FBN1: variants seen among roughly 807,000 people sequenced by gnomAD.
The protein encoded by FBN1 is fibrillin-1.
In FBN1, 29 loss-of-function variants were observed where a neutral mutation model predicts 365.1. The ratio of observed to expected loss-of-function variants is 0.08; its 90% CI spans 0.06 to 0.11. The LOEUF (loss-of-function observed/expected upper bound fraction) is 0.11, where lower values mean the gene tolerates loss of function less well. FBN1 is among the 10% of genes least tolerant of loss of function. The pLI is 1.00. For missense variants in FBN1, 2,476 were observed against 3,703.2 expected (o/e 0.67, Z 8.60); for synonymous variants, 1,210 against 1,270.5 (o/e 0.95, Z 1.01).
intron 2 of FBN1, among the ~76,000 whole-genome samples, chr15:48,632,941 G>C (rs1453032570): frequency 6.6e-6 from 1 of 152,088 alleles, no homozygotes; most frequent in African/African-American, 2.4e-5. Context: ...TCAACTCTGG[G>C]GTGTGAAGCA....
At chr15:48,518,757 A>C (rs2043826420) in intron 10 of FBN1, among the ~76,000 whole-genome samples, 1 of 152,220 alleles carries the variant, frequency 6.6e-6, no homozygotes, top group African/African-American at 2.4e-5. Flanking sequence ...TTTTTTAAAG[A>C]GTGAAAAGCT....
At chr15:48,509,003 G>C (rs2043736753) in intron 14 of FBN1, among the ~76,000 whole-genome samples, 1 of 152,124 alleles carries the variant, frequency 6.6e-6, no homozygotes. Context: ...AGGAATAATA[G>C]TTTACAAACT....
chr15:48,560,150 T>C (rs2044212556), intron 6 of FBN1, among the ~76,000 whole-genome samples: 1 of 152,156 alleles, frequency 6.6e-6, no homozygotes, highest in African/African-American at 2.4e-5. Flanking sequence ...TACCCTTATC[T>C]GAAACCACGC....
chr15:48,441,563 T>C (rs909334852), intron 50 of FBN1, among the ~76,000 whole-genome samples, 158 bp downstream of exon 50: 1 of 152,192 alleles, frequency 6.6e-6, no homozygotes, highest in Non-Finnish European at 1.5e-5. Flanking sequence ...AAAGTGAAAA[T>C]GAACCTTCTG....
intron 6 of FBN1, 95 bp from the exon 7 acceptor site, chr15:48,537,903 T>G: frequency 7.9e-7 from 1 of 1,258,858 alleles, no homozygotes; most frequent in Non-Finnish European, 1.1e-6. Flanking sequence ...GACTCCAAAT[T>G]GAGAAATGAA....
intron 40 of FBN1, among the ~76,000 whole-genome samples, chr15:48,464,562 G>A (rs952766593): frequency 6.6e-6 from 1 of 152,030 alleles, no homozygotes; most frequent in South Asian, 2.1e-4. Flanking sequence ...AGGAACTCTT[G>A]CCTTCTGACA....
intron 33 of FBN1, 60 bp downstream of exon 33, chr15:48,474,468 T>A: frequency 6.2e-7 from 1 of 1,613,188 alleles, no homozygotes; most frequent in African/African-American, 1.3e-5. Flanking sequence ...ATAATTAATA[T>A]TTTCATATGT....
At chr15:48,450,788 G>T (rs975159050) in intron 45 of FBN1, among the ~76,000 whole-genome samples, 1 of 152,030 alleles carries the variant, frequency 6.6e-6, no homozygotes, top group African/African-American at 2.4e-5. Flanking sequence ...TTCAAATAAG[G>T]ATCTCATGAT....
rs1566898389 is a variant in FBN1 at position 48,445,368 on chromosome 15, G to A, written c.5917+8C>T. ...TTCTTTCCAGGTCTTTCTAAGTCCT[G>A]TACTTACCCACACAGGTCCTCCCAT... On this transcript the variant is annotated splice_region_variant and intron_variant, in intron 48 of 65. Coordinates refer to ENST00000316623, the MANE Select transcript of FBN1 (RefSeq NM_000138.5). 2 of 1,612,198 alleles carry A rather than the reference G, an allele frequency of 1.2e-6. No homozygotes were observed. The highest frequency in any genetic ancestry group is 1.7e-5 in the Admixed American group (1 of 59,894).
chr15:48,523,716 G>T (rs59806691), intron 9 of FBN1, among the ~76,000 whole-genome samples: 17 of 144,398 alleles, frequency 1.2e-4, no homozygotes, highest in South Asian at 6.7e-4. Context: ...TGGCTGGGGG[G>T]GGGGGGGAAC....
intron 6 of FBN1, among the ~76,000 whole-genome samples, chr15:48,584,057 A>T (rs951741215): frequency 3.9e-5 from 6 of 152,216 alleles, no homozygotes; most frequent in African/African-American, 1.4e-4. Context: ...TGAACATTTC[A>T]TGATACTGTT....
At chr15:48,617,205 C>T (rs991793318) in intron 2 of FBN1, among the ~76,000 whole-genome samples, 9 of 151,874 alleles carry the variant, frequency 5.9e-5, no homozygotes, top group South Asian at 4.2e-4. Context: ...GATGGAGTCT[C>T]GCTCTGTCGC....
At chr15:48,595,315 C>T (rs954187344) in intron 6 of FBN1, among the ~76,000 whole-genome samples, 7 of 152,176 alleles carry the variant, frequency 4.6e-5, no homozygotes, top group African/African-American at 1.7e-4. Flanking sequence ...TACTTTCCAT[C>T]TTAGAATAAG....
At chr15:48,623,477 A>T (rs1209566920) in intron 2 of FBN1, among the ~76,000 whole-genome samples, 1 of 152,218 alleles carries the variant, frequency 6.6e-6, no homozygotes, top group Admixed American at 6.5e-5. Context: ...TACAAAATCA[A>T]TGTAGACAAA....
intron 65 of FBN1, 136 bp from the exon 66 acceptor site, chr15:48,411,515 T>C: frequency 1.3e-6 from 1 of 768,234 alleles, no homozygotes; most frequent in Non-Finnish European, 2.2e-6. Context: ...TGAAAGCATT[T>C]TGTTTAGACC....
chr15:48,501,253 G>C (rs2043653825), intron 17 of FBN1, among the ~76,000 whole-genome samples: 1 of 152,194 alleles, frequency 6.6e-6, no homozygotes, highest in Admixed American at 6.5e-5. Flanking sequence ...GGTCGTGAAG[G>C]CTCTACCCTC....
chr15:48,587,823 A>T (rs1041439332), intron 6 of FBN1, among the ~76,000 whole-genome samples: 2 of 152,190 alleles, frequency 1.3e-5, no homozygotes, highest in African/African-American at 2.4e-5. Context: ...GTTATATCTA[A>T]TTGACATGAT....
At position 48,625,841 on chromosome 15, in the gene FBN1, T is replaced by G. The variant is rs28622009; in HGVS notation, c.165-12749A>C. 6.5e-3 allele frequency among the ~76,000 whole-genome samples: 984 copies of G among 152,294 alleles called. 10 individuals carry two copies. Among genetic ancestry groups the G allele is most frequent in the African/African-American group, 0.022 (917 of 41,540 alleles). On this transcript the variant is annotated intron_variant, in intron 2 of 65. Transcript: ENST00000316623. Reference sequence around the variant, plus strand: ...AAACTGGAAATTACCAGCGTTTTTTTTGTGTGTGTATGCAAGTTCCTTAAA... The same window carrying G: ...AAACTGGAAATTACCAGCGTTTTTTGTGTGTGTGTATGCAAGTTCCTTAAA...
At chr15:48,606,592 C>T (rs557030512) in intron 4 of FBN1, among the ~76,000 whole-genome samples, 3 of 152,170 alleles carry the variant, frequency 2.0e-5, no homozygotes, top group South Asian at 4.1e-4. Context: ...AGAATTATGT[C>T]GGGAAGAAAA....
Sources: gnomAD v4.1 joint callset for allele counts (sites outside exome capture counted in the v4.1 genomes callset) on GRCh38, gnomAD v4.1.1 for gene constraint, MANE v1.5 for transcripts, NCBI Gene and HGNC (gene_info 2026-07-23, HGNC 2026-07-21) for gene names.